MAGI2: variants seen among roughly 807,000 people sequenced by gnomAD.
MAGI2 encodes the protein membrane-associated guanylate kinase, WW and PDZ domain-containing protein 2.
In MAGI2, 35 loss-of-function variants were observed where a neutral mutation model predicts 133.3. The ratio of observed to expected loss-of-function variants is 0.26; its 90% confidence interval spans 0.20 to 0.35. The LOEUF is 0.35. MAGI2 is among the 10% of genes least tolerant of loss of function. The pLI is 1.00. For synonymous variants in MAGI2, 729 were observed against 710.6 expected, an observed-to-expected ratio of 1.03 and a Z score of -0.41; for missense variants, 1,636 against 1,863.4, an observed-to-expected ratio of 0.88 and a Z score of 2.25.
At chr7:79,222,687 T>A (rs1830528017) in intron 1 of MAGI2, among the ~76,000 whole-genome samples, 2 of 152,030 alleles carry the variant, frequency 1.3e-5, no homozygotes, top group South Asian at 2.1e-4. Context: ...TTACTCCTCC[T>A]AACAGATGGC....
chr7:79,319,262 AC>A (rs1838989196), intron 1 of MAGI2, among the ~76,000 whole-genome samples: 1 of 152,200 alleles, frequency 6.6e-6, no homozygotes, highest in Non-Finnish European at 1.5e-5. Flanking sequence ...ACTAACACAT[AC>A]AAATGCTTGA....
At chr7:78,812,576 ATATG>A (rs1474170526) in intron 2 of MAGI2, among the ~76,000 whole-genome samples, 4 of 114,564 alleles carry the variant, frequency 3.5e-5, no homozygotes, top group African/African-American at 7.7e-5. Context: ...CTACCTACAT[ATATG>A]TATGTATGTG....
At chr7:79,338,416 G>A (rs988411407) in intron 1 of MAGI2, among the ~76,000 whole-genome samples, 18 of 152,122 alleles carry the variant, frequency 1.2e-4, no homozygotes, top group African/African-American at 4.3e-4. Context: ...TACCTTAGGT[G>A]GATTGGGAAT....
intron 21 of MAGI2, among the ~76,000 whole-genome samples, chr7:78,037,920 C>T (rs1329683080): frequency 6.6e-6 from 1 of 152,160 alleles, no homozygotes; most frequent in Admixed American, 6.5e-5. Flanking sequence ...GGGCTGTGTG[C>T]ACGTCTGGAG....
At chr7:78,512,547 A>G (rs2150561473) in intron 4 of MAGI2, among the ~76,000 whole-genome samples, 1 of 152,314 alleles carries the variant, frequency 6.6e-6, no homozygotes, top group South Asian at 2.1e-4. Flanking sequence ...CTGGGACTAC[A>G]GGGGCGTGCC....
intron 9 of MAGI2, among the ~76,000 whole-genome samples, chr7:78,305,012 T>A (rs552720274): frequency 3.0e-4 from 46 of 152,214 alleles, no homozygotes; most frequent in Non-Finnish European, 6.2e-4. Context: ...CTGACATCTT[T>A]ACACCAGAAT....
At chr7:78,328,845 AAAG>A (rs1297622682) in intron 9 of MAGI2, among the ~76,000 whole-genome samples, 6 of 152,208 alleles carry the variant, frequency 3.9e-5, no homozygotes, top group Non-Finnish European at 8.8e-5. Context: ...GAAATACAAC[AAAG>A]AAGTAAGAGG....
intron 2 of MAGI2, among the ~76,000 whole-genome samples, chr7:78,756,609 A>C (rs943809995): frequency 6.6e-6 from 1 of 152,148 alleles, no homozygotes; most frequent in Non-Finnish European, 1.5e-5. Flanking sequence ...TTGATGCGAC[A>C]TCATGGTACC....
At chr7:78,305,442 A>G (rs564643493) in intron 9 of MAGI2, among the ~76,000 whole-genome samples, 35 of 152,266 alleles carry the variant, frequency 2.3e-4, no homozygotes, top group Admixed American at 9.8e-4. Context: ...GCCTAATCAT[A>G]TGTGCCAGGT....
intron 6 of MAGI2, among the ~76,000 whole-genome samples, chr7:78,376,950 A>G (rs571252292): frequency 6.6e-6 from 1 of 152,152 alleles, no homozygotes; most frequent in Non-Finnish European, 1.5e-5. Context: ...CTGGCTACAA[A>G]GAAAGATTTG....
At position 78,253,373 on chromosome 7, in the gene MAGI2, G is replaced by A. The variant is rs573420441; in HGVS notation, c.2047+2570C>T. Reference sequence around the variant, plus strand: ...ACAAAACGATTCAGAAAGCATATTAGTGGTTACCTGGGGTTTGGGAGAATT... The same window carrying A: ...ACAAAACGATTCAGAAAGCATATTAATGGTTACCTGGGGTTTGGGAGAATT... On this transcript the variant is annotated intron_variant, in intron 10 of 21. Coordinates refer to ENST00000354212, the MANE Select transcript of MAGI2 (RefSeq NM_012301.4). 6 of 152,322 alleles carry A rather than the reference G, an allele frequency of 3.9e-5. No individual in the cohort carries two copies. In the South Asian group the frequency reaches 1.2e-3, roughly 32 times the overall value. The allele number at this position is 152,322 out of a possible 1,614,324, so 9.4% of individuals were successfully genotyped here.
rs368034452 is a variant in MAGI2 at position 78,343,854 on chromosome 7, G to C, written c.1332C>G (p.Asp444Glu). 9 of 1,612,998 alleles carry C rather than the reference G, an allele frequency of 5.6e-6. No homozygotes were observed. Among genetic ancestry groups the C allele is most frequent in the Non-Finnish European group, 5.1e-6 (6 of 1,179,630 alleles). ...MGFGFTIIGG[D>E]EPDEFLQVKS... Reference sequence around the variant, plus strand: ...TCACCTGCAGAAACTCATCAGGCTCGTCTCCACCAATGATGGTAAATCCAA... The same window carrying C: ...TCACCTGCAGAAACTCATCAGGCTCCTCTCCACCAATGATGGTAAATCCAA... Residue 444 changes from aspartate to glutamate, a missense_variant, in exon 9 of 22, where the codon GAC becomes GAG. Asp to Glu is a conservative substitution (Grantham distance 45). This residue lies in a region of MAGI2 where 920 missense variants were observed against 1,093.5 expected (regional missense o/e 0.84). Coordinates refer to ENST00000354212, the MANE Select transcript of MAGI2 (RefSeq NM_012301.4).
At chr7:78,690,038 G>A (rs1816794164) in intron 2 of MAGI2, among the ~76,000 whole-genome samples, 1 of 152,126 alleles carries the variant, frequency 6.6e-6, no homozygotes, top group Admixed American at 6.5e-5. Flanking sequence ...TGTTTTGCAA[G>A]AGTTATTAAA....
At chr7:78,446,027 G>T (rs1262836886) in intron 6 of MAGI2, among the ~76,000 whole-genome samples, 1 of 93,888 alleles carries the variant, frequency 1.1e-5, no homozygotes, top group Non-Finnish European at 2.5e-5. Context: ...AGCTCTGCCA[G>T]TTTCTATTTT....
At chr7:78,925,880 C>G (rs534655019) in intron 2 of MAGI2, among the ~76,000 whole-genome samples, 1 of 151,922 alleles carries the variant, frequency 6.6e-6, no homozygotes, top group Non-Finnish European at 1.5e-5. Flanking sequence ...TTATTAAAGC[C>G]CTCCATAACT....
chr7:78,726,499 AC>A (rs971645895), intron 2 of MAGI2, among the ~76,000 whole-genome samples: 2 of 152,232 alleles, frequency 1.3e-5, no homozygotes, highest in African/African-American at 4.8e-5. Context: ...ATGGAAAAAA[AC>A]ATGAGCCAAA....
intron 3 of MAGI2, among the ~76,000 whole-genome samples, chr7:78,535,183 G>C (rs939095954): frequency 6.6e-6 from 1 of 152,018 alleles, no homozygotes; most frequent in East Asian, 1.9e-4. Flanking sequence ...AGGCTCAAGA[G>C]GTACAGAGAG....
intron 10 of MAGI2, among the ~76,000 whole-genome samples, chr7:78,243,472 T>C (rs891646407): frequency 2.6e-5 from 4 of 152,212 alleles, no homozygotes; most frequent in Non-Finnish European, 5.9e-5. Context: ...CTGTGCAGTT[T>C]AAAAATCGTG....
rs1029082843 is a variant in MAGI2 at position 78,363,485 on chromosome 7, T to G, written c.1103+5671A>C. 5.7e-5 allele frequency among the ~76,000 whole-genome samples: 6 copies of G among 104,998 alleles called. No individual in the cohort carries two copies. The Admixed American group carries it at 7.1e-4, about 12-fold the overall frequency. 68.9% of individuals were successfully genotyped at this position (104,998 alleles called of 152,430 possible). A position where few individuals can be genotyped will look rare whatever the true frequency, so the allele number is the denominator to read the frequency against. ...TCCAGCCTCGGTGACAGACCAAGAC[T>G]CCATCTCGAAAATAATAATAATAAT... On this transcript the variant is annotated intron_variant, in intron 7 of 21. Coordinates refer to ENST00000354212, the MANE Select transcript of MAGI2 (RefSeq NM_012301.4).
Sources: gnomAD v4.1 joint callset for allele counts (sites outside exome capture counted in the v4.1 genomes callset) on GRCh38, gnomAD v4.1.1 for gene constraint, gnomAD v4.1.1 regional missense constraint, MANE v1.5 for transcripts, NCBI Gene and HGNC (gene_info 2026-07-23, HGNC 2026-07-21) for gene names.